The following CNTNAP2 variants were observed in gnomAD, a reference collection of about 807,000 sequenced individuals.
The protein encoded by CNTNAP2 is contactin-associated protein-like 2.
In CNTNAP2, 98 loss-of-function variants were observed where a neutral mutation model predicts 155.2. The observed-to-expected ratio is 0.63, with a 90% CI of 0.54 to 0.75. The LOEUF (loss-of-function observed/expected upper bound fraction) is 0.75, where lower values mean the gene tolerates loss of function less well. Among genes scored for constraint, CNTNAP2 ranks in the 30% least tolerant of loss-of-function variants. The pLI is 0.00. For missense variants in CNTNAP2, 1,727 were observed against 1,688.1 expected (o/e 1.02, Z -0.40); for synonymous variants, 651 against 631.2 (o/e 1.03, Z -0.47).
intron 3 of CNTNAP2, among the ~76,000 whole-genome samples, chr7:146,849,956 C>T (rs6955130): frequency 0.29 from 43,481 of 151,980 alleles, 6,260 homozygotes; most frequent in African/African-American, 0.33. Flanking sequence ...CCCTGGACAC[C>T]GTGAAGATAC....
At chr7:146,139,303 G>GT (rs374217314) in intron 1 of CNTNAP2, among the ~76,000 whole-genome samples, 261 of 152,202 alleles carry the variant, frequency 1.7e-3, no homozygotes, top group African/African-American at 6.0e-3. Context: ...TTGAACCCTT[G>GT]TAAGTTAGGG....
intron 12 of CNTNAP2, among the ~76,000 whole-genome samples, chr7:147,572,515 T>G (rs1246903676): frequency 2.0e-5 from 3 of 152,138 alleles, no homozygotes; most frequent in African/African-American, 4.8e-5. Context: ...CAAAACAATA[T>G]CTTATAGACA....
At chr7:147,965,482 TG>T (rs1441064233) in intron 14 of CNTNAP2, among the ~76,000 whole-genome samples, 1 of 152,106 alleles carries the variant, frequency 6.6e-6, no homozygotes, top group African/African-American at 2.4e-5. Context: ...TTTTTCTTCA[TG>T]ACATTACTAG....
chr7:148,082,364 A>T (rs562314427), intron 15 of CNTNAP2, among the ~76,000 whole-genome samples: 1 of 152,198 alleles, frequency 6.6e-6, no homozygotes, highest in Non-Finnish European at 1.5e-5. Flanking sequence ...CCCAGGGGAA[A>T]ATCCAAGCTA....
At chr7:147,438,549 AT>A (rs112705429) in intron 10 of CNTNAP2, among the ~76,000 whole-genome samples, 3 of 150,372 alleles carry the variant, frequency 2.0e-5, no homozygotes, top group African/African-American at 7.3e-5. Flanking sequence ...CTGTAGTTTT[AT>A]TTTTTTCATG....
chr7:147,476,669 G>A (rs572683186), intron 10 of CNTNAP2, among the ~76,000 whole-genome samples: 1 of 151,500 alleles, frequency 6.6e-6, no homozygotes, highest in African/African-American at 2.4e-5. Flanking sequence ...GCTCACGCCT[G>A]TAATCCCAGC....
chr7:147,065,098 G>A (rs1799753193), intron 4 of CNTNAP2, among the ~76,000 whole-genome samples: 1 of 152,266 alleles, frequency 6.6e-6, no homozygotes, highest in African/African-American at 2.4e-5. Context: ...GAAATCTACT[G>A]TAATATAAAG....
chr7:148,214,541 A>G (rs969083154), intron 18 of CNTNAP2, among the ~76,000 whole-genome samples: 1 of 152,154 alleles, frequency 6.6e-6, no homozygotes, highest in Non-Finnish European at 1.5e-5. Context: ...TAGTTTTGGC[A>G]TGTGGAGCAG....
chr7:146,916,921 T>C (rs773345711), intron 3 of CNTNAP2, among the ~76,000 whole-genome samples: 12 of 152,200 alleles, frequency 7.9e-5, no homozygotes, highest in African/African-American at 1.2e-4. Flanking sequence ...GACAGTCTAT[T>C]TGTGTCTTTC....
rs139412132 is a variant in CNTNAP2, at chr7:148,314,133, G to A, written c.3475+47007G>A. On this transcript the variant is annotated intron_variant, in intron 21 of 23. Coordinates refer to ENST00000361727, the MANE Select transcript of CNTNAP2 (RefSeq NM_014141.6). ...CTAGCTCGACCTGGCAAGGAGGGGA[G>A]AGGTCAGATGGGTCTGTAGAAAAGG... Among the ~76,000 whole-genome samples the A allele has an allele frequency of 5.5e-3, 844 of 152,186 alleles. 9 individuals carry two copies. Among genetic ancestry groups the A allele is most frequent in the African/African-American group, 0.019 (801 of 41,514 alleles).
chr7:146,397,013 C>G (rs1162184710), intron 1 of CNTNAP2, among the ~76,000 whole-genome samples: 2 of 152,070 alleles, frequency 1.3e-5, no homozygotes, highest in Non-Finnish European at 2.9e-5. Flanking sequence ...TTTTTTCTCA[C>G]AATTTATAAT....
At chr7:147,566,029 C>G (rs192155186) in intron 12 of CNTNAP2, among the ~76,000 whole-genome samples, 51 of 151,276 alleles carry the variant, frequency 3.4e-4, no homozygotes, top group Middle Eastern at 3.4e-3. Flanking sequence ...GCCTGTAATC[C>G]CAGCACTTTG....
Position 147,580,396 on chromosome 7 carries a change from A to T in CNTNAP2, c.1897+18139A>T, listed in dbSNP as rs533402247. On this transcript the variant is annotated intron_variant, in intron 12 of 23. Coordinates refer to ENST00000361727, the MANE Select transcript of CNTNAP2 (RefSeq NM_014141.6). ...ACCCTCACTGAATTTTGAGCTGAAG[A>T]GAATATTAATTACCTAGTCACATCT... Among the ~76,000 whole-genome samples, 5 of 152,296 alleles carry T rather than the reference A, an allele frequency of 3.3e-5. No homozygotes were observed. In the East Asian group the frequency reaches 9.7e-4, roughly 29 times the overall value.
At chr7:147,599,773 A>G (rs1482517960) in intron 12 of CNTNAP2, among the ~76,000 whole-genome samples, 1 of 152,138 alleles carries the variant, frequency 6.6e-6, no homozygotes, top group Non-Finnish European at 1.5e-5. Context: ...TGAGGATACC[A>G]GTCATTGGAT....
chr7:147,458,723 G>A (rs574045335), intron 10 of CNTNAP2, among the ~76,000 whole-genome samples: 5 of 152,192 alleles, frequency 3.3e-5, no homozygotes, highest in East Asian at 1.9e-4. Context: ...TTGAGAAATC[G>A]GAATCTCATT....
At chr7:146,841,820 C>T (rs983452346) in intron 3 of CNTNAP2, among the ~76,000 whole-genome samples, 1 of 151,054 alleles carries the variant, frequency 6.6e-6, no homozygotes, top group Non-Finnish European at 1.5e-5. Flanking sequence ...CAGTTAAGGA[C>T]GGCTAAATGC....
intron 9 of CNTNAP2, among the ~76,000 whole-genome samples, chr7:147,327,998 G>A (rs1445371213): frequency 6.6e-6 from 1 of 152,082 alleles, no homozygotes; most frequent in Non-Finnish European, 1.5e-5. Flanking sequence ...ACTCTAGTAG[G>A]CCAGAATAAG....
At chr7:147,501,865 A>G (rs1475620978) in intron 11 of CNTNAP2, among the ~76,000 whole-genome samples, 2 of 152,232 alleles carry the variant, frequency 1.3e-5, no homozygotes, top group East Asian at 3.8e-4. Flanking sequence ...TAACAAGCAA[A>G]TTCAGTAAAG....
chr7:148,108,742 T>C (rs1004236383), intron 15 of CNTNAP2, among the ~76,000 whole-genome samples: 4 of 152,118 alleles, frequency 2.6e-5, no homozygotes, highest in Non-Finnish European at 5.9e-5. Flanking sequence ...AGGAGGAACA[T>C]GCTTGGTTGG....
Sources: gnomAD v4.1 joint callset for allele counts (sites outside exome capture counted in the v4.1 genomes callset) on GRCh38, gnomAD v4.1.1 for gene constraint, MANE v1.5 for transcripts, NCBI Gene and HGNC (gene_info 2026-07-23, HGNC 2026-07-21) for gene names.